Variants in ARID1B observed in about 807,000 individuals in gnomAD.
The protein encoded by ARID1B is AT-rich interaction domain 1B.
In ARID1B, 30 loss-of-function variants were observed where a neutral mutation model predicts 212.3. The observed-to-expected ratio is 0.14, with a 90% CI of 0.11 to 0.19. The LOEUF (loss-of-function observed/expected upper bound fraction) is 0.19, where lower values mean the gene tolerates loss of function less well. Ranked by LOEUF, ARID1B falls within the 10% of genes least tolerant of loss-of-function variation. ARID1B has a pLI of 1.00. For synonymous variants in ARID1B, 1,402 were observed against 1,301.7 expected, an observed-to-expected ratio of 1.08 and a Z score of -1.66; for missense variants, 2,891 against 3,204.0, an observed-to-expected ratio of 0.90 and a Z score of 2.36.
rs374294418 is a variant in ARID1B at position 157,206,505 on chromosome 6, A to G, written c.5733A>G (p.Pro1911=). The part of the protein sequence containing the change: ...PKQASKFDKL[P]IKIVKKNNLF... ...AAGCCAGTAAGTTCGACAAGCTGCC[A>G]ATAAAGATAGTCAAAAAGAACAACC... The change falls in exon 20 of 20, where the codon CCA becomes CCG. Residue 1911 remains proline, a synonymous_variant. Coordinates refer to ENST00000636930, the MANE Select transcript of ARID1B (RefSeq NM_001374828.1). This position sits in a 1 kb window ranked among gnomAD's most constrained non-coding sequence, Gnocchi z 6.8. 17 of 1,614,180 alleles carry G rather than the reference A, an allele frequency of 1.1e-5. 2 individuals carry two copies. The African/African-American group carries it at 2.3e-4, about 22-fold the overall frequency.
chr6:156,909,123 CTTTTTTTTTTT>C (rs60183999), intron 3 of ARID1B, among the ~76,000 whole-genome samples: 2 of 108,822 alleles, frequency 1.8e-5, no homozygotes, highest in African/African-American at 3.8e-5. Context: ...TTTTCTTTCT[CTTTTTTTTTTT>C]TTTTTTTTTG....
intron 3 of ARID1B, among the ~76,000 whole-genome samples, chr6:156,912,157 C>T (rs1261953414): frequency 1.3e-5 from 2 of 151,986 alleles, no homozygotes; most frequent in Non-Finnish European, 1.5e-5. Flanking sequence ...ATTACCCATT[C>T]CGGTGGCAGA....
intron 4 of ARID1B, chr6:157,022,217 GCCGCCGCCATTGGCTGTTACCCGACGCAC>G (rs1780356624): frequency 1.3e-5 from 2 of 152,458 alleles, no homozygotes; most frequent in Admixed American, 6.5e-5. Context: ...AGGCTGGCAG[GCCGCCGCCATTGGCTGTTACCCGACGCAC>G]CGAGGCTGGG....
chr6:156,930,347 A>G (rs928315355), intron 3 of ARID1B, among the ~76,000 whole-genome samples: 3 of 151,980 alleles, frequency 2.0e-5, no homozygotes, highest in Non-Finnish European at 4.4e-5. Flanking sequence ...TGTGTGAGCC[A>G]CCTCACTCCC....
intron 3 of ARID1B, among the ~76,000 whole-genome samples, chr6:156,909,697 C>T (rs955763063): frequency 6.6e-6 from 1 of 152,176 alleles, no homozygotes; most frequent in Middle Eastern, 3.2e-3. Context: ...GCTTTATCTG[C>T]CAGTTTTCTC....
At chr6:156,896,036 G>A (rs1320937033) in intron 2 of ARID1B, among the ~76,000 whole-genome samples, 1 of 152,128 alleles carries the variant, frequency 6.6e-6, no homozygotes, top group Non-Finnish European at 1.5e-5. Context: ...GTACCATTTT[G>A]ATATGTGGCG....
At chr6:157,102,604 CTTTTTTTTTTTTTT>C (rs35977420) in intron 5 of ARID1B, among the ~76,000 whole-genome samples, 1,292 of 66,372 alleles carry the variant, frequency 0.019, 40 homozygotes, top group African/African-American at 0.07. Context: ...CTGAGTGGTT[CTTTTTTTTTTTTTT>C]TTTTTTTTTT....
In ARID1B at chr6:157,192,454, G is replaced by A. The variant is rs145149443; in HGVS notation, c.4231+2244G>A. ...GCTAGGCCCTAGGTAGATATATGCA[G>A]ATACTTCTCACCTTACAGTGGGGTT... is the stretch of plus-strand genomic sequence containing the variant. On this transcript the variant is annotated intron_variant, in intron 15 of 19. Transcript: ENST00000636930. Among the ~76,000 whole-genome samples the A allele has an allele frequency of 6.3e-3, 953 of 152,258 alleles. 5 individuals carry two copies. The highest frequency in any genetic ancestry group is 0.014 in the Middle Eastern group (4 of 294).
At chr6:156,830,753 C>T (rs959859703) in intron 2 of ARID1B, among the ~76,000 whole-genome samples, 1 of 150,524 alleles carries the variant, frequency 6.6e-6, no homozygotes, top group African/African-American at 2.4e-5. Context: ...TGTATCGAGA[C>T]CCTAAAAAAA....
chr6:156,865,349 G>T (rs920292264), intron 2 of ARID1B, among the ~76,000 whole-genome samples: 1 of 152,138 alleles, frequency 6.6e-6, no homozygotes, highest in African/African-American at 2.4e-5. Context: ...TATAGATTGA[G>T]AATGGAATTC....
At chr6:156,937,659 G>T (rs1302618563) in intron 4 of ARID1B, 1 of 152,226 alleles carries the variant, frequency 6.6e-6, no homozygotes, top group Non-Finnish European at 1.5e-5. Context: ...GAAGAGTTTG[G>T]TCTGGGATAG....
At chr6:157,191,450 G>T (rs908369660) in intron 15 of ARID1B, among the ~76,000 whole-genome samples, 1 of 152,186 alleles carries the variant, frequency 6.6e-6, no homozygotes, top group Non-Finnish European at 1.5e-5. Flanking sequence ...CTGAGCAGAT[G>T]TTGGGATCGG....
intron 4 of ARID1B, among the ~76,000 whole-genome samples, chr6:157,045,853 A>G (rs1299273610): frequency 6.6e-6 from 1 of 152,206 alleles, no homozygotes. Flanking sequence ...TATAGAATAT[A>G]TATTGTTAAA....
intron 2 of ARID1B, among the ~76,000 whole-genome samples, chr6:156,849,741 T>A (rs889763078): frequency 1.3e-5 from 2 of 152,010 alleles, no homozygotes; most frequent in African/African-American, 4.8e-5. Flanking sequence ...CTTTTTTGGT[T>A]TTCTTTTGTT....
At chr6:157,076,613 G>A (rs1247352108) in intron 4 of ARID1B, among the ~76,000 whole-genome samples, 1 of 151,860 alleles carries the variant, frequency 6.6e-6, no homozygotes, top group African/African-American at 2.4e-5. Context: ...AAACAGTAAA[G>A]TTGTTGTGGG....
At chr6:157,158,025 T>TA (rs1790683183) in intron 8 of ARID1B, among the ~76,000 whole-genome samples, 1 of 152,304 alleles carries the variant, frequency 6.6e-6, no homozygotes, top group South Asian at 2.1e-4. Context: ...CCCTGTCTCT[T>TA]AAAAAATAAT....
intron 3 of ARID1B, among the ~76,000 whole-genome samples, chr6:156,914,763 C>T (rs115762872): frequency 6.6e-6 from 1 of 152,188 alleles, no homozygotes; most frequent in Non-Finnish European, 1.5e-5. Flanking sequence ...CCAAAGCGGG[C>T]CTCTGGCCAC....
chr6:157,028,479 A>G (rs1780809237), intron 4 of ARID1B, among the ~76,000 whole-genome samples: 2 of 152,232 alleles, frequency 1.3e-5, no homozygotes, highest in South Asian at 4.1e-4. Flanking sequence ...TGAAAGTACT[A>G]CCTGTTTTCA....
chr6:156,869,749 T>G (rs1232618421), intron 2 of ARID1B, among the ~76,000 whole-genome samples: 2 of 152,152 alleles, frequency 1.3e-5, no homozygotes, highest in African/African-American at 4.8e-5. Context: ...TTTCTTCATA[T>G]CAAATTTTAT....
Sources: allele counts gnomAD v4.1 joint callset (sites outside exome capture counted in the v4.1 genomes callset), GRCh38; gene constraint gnomAD v4.1.1; non-coding constraint Gnocchi (gnomAD v3.1); transcripts MANE v1.5; gene names NCBI Gene and HGNC (gene_info 2026-07-23, HGNC 2026-07-21).